COL9A1: variants seen among roughly 807,000 people sequenced by gnomAD.
COL9A1 encodes the protein collagen type IX alpha 1 chain, also known as collagen alpha-1(IX) chain.
COL9A1 carries 104 observed loss-of-function variants against 142.6 expected under a neutral mutation model. The observed-to-expected ratio is 0.73, with a 90% CI of 0.62 to 0.86. The LOEUF (loss-of-function observed/expected upper bound fraction) is 0.86, where lower values mean the gene tolerates loss of function less well. COL9A1 is among the 40% of genes least tolerant of loss of function. COL9A1 has a pLI of 0.00. For missense variants in COL9A1, 1,210 were observed against 1,176.6 expected (o/e 1.03, Z -0.42); for synonymous variants, 466 against 396.0 (o/e 1.18, Z -2.10).
intron 37 of COL9A1, 101 bp downstream of exon 37, chr6:70,225,831 A>C (rs1477397159): frequency 1.1e-6 from 1 of 878,678 alleles, no homozygotes; most frequent in African/African-American, 1.7e-5. Flanking sequence ...TAATATGCTT[A>C]AGTGATCAAA....
intron 28 of COL9A1, 33 bp downstream of exon 28, chr6:70,252,087 G>C: frequency 1.2e-6 from 2 of 1,607,662 alleles, no homozygotes; most frequent in Non-Finnish European, 1.7e-6. Flanking sequence ...TCCTGAGAAG[G>C]TGCTTTAGGA....
chr6:70,216,640 A>G lies in COL9A1; in HGVS notation c.*257T>C. On this transcript the variant is annotated 3_prime_UTR_variant, in exon 38 of 38. Transcript: ENST00000357250. ...ACAGGAGTATAAATTTATTCAAGGGAGGTGTTTGGTTTTCTTTTTTTTTTT... is the reference window on the plus strand; with the variant it reads ...ACAGGAGTATAAATTTATTCAAGGGGGGTGTTTGGTTTTCTTTTTTTTTTT... 2.0e-6 allele frequency: 1 copy of G among 505,128 alleles called. No homozygotes were observed. The highest frequency in any genetic ancestry group is 3.6e-6 in the Non-Finnish European group (1 of 280,058). 31.3% of individuals were successfully genotyped at this position (505,128 alleles called of 1,614,324 possible).
chr6:70,261,349 C>G (rs1771676172), intron 19 of COL9A1, among the ~76,000 whole-genome samples: 1 of 150,532 alleles, frequency 6.6e-6, no homozygotes, highest in Non-Finnish European at 1.5e-5. Flanking sequence ...TCTTTCAATA[C>G]TGAAATGTTA....
At chr6:70,287,707 C>T (rs1454468222) in intron 5 of COL9A1, among the ~76,000 whole-genome samples, 3 of 152,188 alleles carry the variant, frequency 2.0e-5, no homozygotes, top group African/African-American at 7.2e-5. Context: ...TTCTCAAGAT[C>T]ACTCTCTTTG....
chr6:70,280,033 A>G (rs932998386), intron 10 of COL9A1: 3 of 691,876 alleles, frequency 4.3e-6, no homozygotes, highest in Admixed American at 2.1e-5. Flanking sequence ...TCATTATTAC[A>G]TATTGTTAGA....
chr6:70,232,495 G>A (rs1769612095), intron 36 of COL9A1, 88 bp downstream of exon 36: 2 of 1,407,990 alleles, frequency 1.4e-6, no homozygotes, highest in South Asian at 1.2e-5. Context: ...TTCAGAAATT[G>A]GTAAAACATA....
chr6:70,274,828 TA>T, intron 10 of COL9A1, 56 bp from the exon 11 acceptor site: 4 of 1,402,632 alleles, frequency 2.9e-6, no homozygotes, highest in Non-Finnish European at 4.0e-6. Context: ...GGCAAACCAC[TA>T]AGTAGAAAAC....
intron 2 of COL9A1, 68 bp downstream of exon 2, chr6:70,301,933 G>T: frequency 7.6e-7 from 1 of 1,321,810 alleles, no homozygotes; most frequent in Non-Finnish European, 1.1e-6. Context: ...TCTTCAGTCA[G>T]CCACAGCCCT....
At chr6:70,294,845 AT>A (rs1282731264) in intron 4 of COL9A1, among the ~76,000 whole-genome samples, 7 of 152,154 alleles carry the variant, frequency 4.6e-5, no homozygotes, top group Admixed American at 4.6e-4. Flanking sequence ...CAATATTACT[AT>A]TTATACTACC....
intron 17 of COL9A1, among the ~76,000 whole-genome samples, chr6:70,267,319 G>GTTTTTTTTTTTTTTTTTTTTTTTTTT (rs1050364230): frequency 4.0e-5 from 4 of 99,668 alleles, no homozygotes; most frequent in Non-Finnish European, 8.8e-5. Flanking sequence ...TGTTTGTTTG[G>GTTTTTTTTTTTTTTTTTTTTTTTTTT]TTTTTTTGTT....
intron 4 of COL9A1, 66 bp downstream of exon 4, chr6:70,299,977 G>A (rs1773996693): frequency 6.9e-7 from 1 of 1,445,946 alleles, no homozygotes; most frequent in Admixed American, 1.7e-5. Flanking sequence ...CTCTAACATT[G>A]GATAGCTATC....
chr6:70,244,110 C>T lies in COL9A1; in HGVS notation c.1873-1395G>A, dbSNP rs567028967. 9.9e-5 allele frequency among the ~76,000 whole-genome samples: 15 copies of T among 152,254 alleles called. No individual in the cohort carries two copies. In the South Asian group the frequency reaches 3.1e-3, roughly 32 times the overall value. ...TCTCTAAAGGATTAAGAACTGTTTG[C>T]CAGTTTACAACAATCTAGCAATTAA... is the stretch of plus-strand genomic sequence containing the variant. On this transcript the variant is annotated intron_variant, in intron 28 of 37. Transcript: ENST00000357250.
chr6:70,300,056 T>C lies in COL9A1; in HGVS notation c.286A>G (p.Arg96Gly), dbSNP rs375022897. ...AYKLGNNVDF[R>G]IPTRNLYPSG... ...TTGATAGATTACCTAGTTGGAATCC[T>C]GAAGTCTACATTATTTCCCAACTTG... Residue 96 changes from arginine (R) to glycine (G), a missense_variant, in exon 4 of 38, where the codon AGG (arginine) becomes GGG (glycine). Coordinates refer to ENST00000357250, the MANE Select transcript of COL9A1 (RefSeq NM_001851.6). The C allele has an allele frequency of 4.3e-6, 7 of 1,613,818 alleles. No individual in the cohort carries two copies. The highest frequency in any genetic ancestry group is 1.3e-5 in the African/African-American group (1 of 75,028).
At chr6:70,221,351 A>G (rs557439487) in intron 37 of COL9A1, among the ~76,000 whole-genome samples, 2 of 152,326 alleles carry the variant, frequency 1.3e-5, no homozygotes, top group African/African-American at 4.8e-5. Context: ...GGAGTTTCTT[A>G]TATTTCTTGA....
intron 1 of COL9A1, 136 bp from the exon 2 acceptor site, chr6:70,302,210 T>C (rs1253251461): frequency 7.2e-4 from 353 of 491,178 alleles, no homozygotes; most frequent in Non-Finnish European, 8.6e-4. Flanking sequence ...ATTTCTTTTT[T>C]TTTTTTTTTT....
At chr6:70,263,335 G>A (rs780596536) in intron 18 of COL9A1, 38 bp from the exon 19 acceptor site, 7 of 1,572,446 alleles carry the variant, frequency 4.5e-6, no homozygotes, top group Middle Eastern at 1.7e-4. Flanking sequence ...CACACCAAAT[G>A]TTATTCTAGC....
At position 70,280,814 on chromosome 6, in the gene COL9A1, C is replaced by T; in HGVS notation, c.973G>A (p.Asp325Asn). The change falls in exon 10 of 38, where the codon GAT becomes AAT. Residue 325 changes from aspartate to asparagine, a missense_variant and splice_region_variant. Transcript: ENST00000357250. ...APGKPGTPGA[D>N]GLTGPDGSPG... ...CCTCCCAGCACTCGCCTACTCACAT[C>T]AGCGCCAGGTGTGCCAGGCTTGCCT... The T allele has an allele frequency of 6.2e-7, 1 of 1,612,394 alleles. No individual in the cohort carries two copies. The highest frequency in any genetic ancestry group is 1.7e-5 in the Admixed American group (1 of 59,870).
chr6:70,290,174 G>A (rs1186272912), intron 5 of COL9A1, among the ~76,000 whole-genome samples: 1 of 152,076 alleles, frequency 6.6e-6, no homozygotes, highest in East Asian at 1.9e-4. Flanking sequence ...CAAACTCCCA[G>A]CATATATCTC....
chr6:70,293,404 C>A (rs562501865), intron 5 of COL9A1, among the ~76,000 whole-genome samples: 1 of 152,264 alleles, frequency 6.6e-6, no homozygotes, highest in East Asian at 1.9e-4. Flanking sequence ...ATTGTGTCAA[C>A]ATGTAATTCC....
Sources: gnomAD v4.1 joint callset for allele counts (sites outside exome capture counted in the v4.1 genomes callset) on GRCh38, gnomAD v4.1.1 for gene constraint, MANE v1.5 for transcripts, NCBI Gene and HGNC (gene_info 2026-07-23, HGNC 2026-07-21) for gene names.